Variants in TPP2 observed in about 807,000 individuals in gnomAD.
TPP2 encodes the protein tripeptidyl peptidase 2.
TPP2 carries 34 observed loss-of-function variants against 155.9 expected under a neutral mutation model. The observed-to-expected ratio is 0.22, with a 90% CI of 0.17 to 0.29. The LOEUF (loss-of-function observed/expected upper bound fraction) is 0.29, where lower values mean the gene tolerates loss of function less well. Ranked by LOEUF, TPP2 falls within the 10% of genes least tolerant of loss-of-function variation. TPP2 has a pLI of 1.00. For synonymous variants in TPP2, 510 were observed against 529.4 expected (o/e 0.96, Z 0.50); for missense variants, 1,028 against 1,522.3 (o/e 0.68, Z 5.40).
At chr13:102,640,129 G>T (rs959011015) in intron 15 of TPP2, 141 bp from the exon 16 acceptor site, 10 of 613,398 alleles carry the variant, frequency 1.6e-5, no homozygotes, top group African/African-American at 1.4e-4. Context: ...GAACAATATC[G>T]TACCTACTGT....
chr13:102,620,946 G>A (rs1329505254), intron 5 of TPP2, among the ~76,000 whole-genome samples: 3 of 151,728 alleles, frequency 2.0e-5, no homozygotes, highest in Non-Finnish European at 4.4e-5. Context: ...TGAAAATGTC[G>A]AGAAATACAT....
At chr13:102,631,446 G>A (rs1246784742) in intron 10 of TPP2, 2 of 152,218 alleles carry the variant, frequency 1.3e-5, no homozygotes, top group Non-Finnish European at 2.9e-5. Flanking sequence ...GAGTGGCTTA[G>A]GAGAAGAGCC....
chr13:102,648,532 T>G (rs1246564102), intron 21 of TPP2, among the ~76,000 whole-genome samples: 1 of 152,004 alleles, frequency 6.6e-6, no homozygotes, highest in Non-Finnish European at 1.5e-5. Flanking sequence ...TTCTTATATG[T>G]CTCTGAGGGA....
At chr13:102,670,167 T>TGG (rs1256087448) in intron 27 of TPP2, among the ~76,000 whole-genome samples, 8 of 82,164 alleles carry the variant, frequency 9.7e-5, no homozygotes, top group African/African-American at 3.4e-4. Flanking sequence ...TTAGGTATTG[T>TGG]GGGTGGGGGG....
chr13:102,629,933 T>C (rs1462456592), intron 9 of TPP2, among the ~76,000 whole-genome samples, 163 bp from the exon 10 acceptor site: 1 of 152,220 alleles, frequency 6.6e-6, no homozygotes, highest in African/African-American at 2.4e-5. Flanking sequence ...AAATGTATGG[T>C]ACATAGTAGA....
chr13:102,643,486 A>T, intron 17 of TPP2, 110 bp downstream of exon 17: 1 of 1,126,620 alleles, frequency 8.9e-7, no homozygotes, highest in Non-Finnish European at 1.1e-6. Context: ...GCATGTTGGG[A>T]TTATATATTT....
intron 2 of TPP2, among the ~76,000 whole-genome samples, chr13:102,608,694 A>G (rs545692865): frequency 6.6e-6 from 1 of 151,728 alleles, no homozygotes; most frequent in Non-Finnish European, 1.5e-5. Context: ...ATTTTTTTCT[A>G]TTTCATTGTT....
intron 24 of TPP2, among the ~76,000 whole-genome samples, chr13:102,651,893 A>G (rs2139556157): frequency 1.3e-5 from 2 of 152,310 alleles, no homozygotes; most frequent in Middle Eastern, 6.8e-3. Flanking sequence ...AAGAGAAACA[A>G]TAAAGATCAA....
chr13:102,607,927 T>C (rs1879970505), intron 2 of TPP2: 1 of 178,886 alleles, frequency 5.6e-6, no homozygotes, highest in Non-Finnish European at 1.2e-5. Flanking sequence ...ATCCCGGCTT[T>C]AGATAAACCA....
intron 27 of TPP2, among the ~76,000 whole-genome samples, chr13:102,670,398 G>A (rs375877816): frequency 5.3e-5 from 8 of 152,246 alleles, no homozygotes; most frequent in African/African-American, 1.7e-4. Context: ...CATCATCTGC[G>A]GCCTAAATAG....
At chr13:102,632,742 T>A (rs1882102094) in intron 10 of TPP2, among the ~76,000 whole-genome samples, 1 of 152,142 alleles carries the variant, frequency 6.6e-6, no homozygotes, top group Non-Finnish European at 1.5e-5. Context: ...AGGTAGAAAA[T>A]CACCCTAAAC....
In TPP2 at chr13:102,644,474, T is replaced by G. The variant is rs376299639; in HGVS notation, c.2176-83T>G. ...AAACAGGAAAAGTTTGAAAACAGAATTGCTCTGAAACAGCTAGTATTTATA... is the reference window on the plus strand; with the variant it reads ...AAACAGGAAAAGTTTGAAAACAGAAGTGCTCTGAAACAGCTAGTATTTATA... On this transcript the variant is annotated intron_variant, in intron 17 of 29. Transcript: ENST00000376052. 138 of 1,144,648 alleles carry G rather than the reference T, an allele frequency of 1.2e-4. 1 individual carries two copies. Among genetic ancestry groups the G allele is most frequent in the Non-Finnish European group, 1.7e-4 (136 of 818,726 alleles). The allele number at this position is 1,144,648 out of a possible 1,614,324, so 70.9% of individuals were successfully genotyped here.
chr13:102,631,027 T>C (rs1417152819), intron 10 of TPP2, among the ~76,000 whole-genome samples: 3 of 152,116 alleles, frequency 2.0e-5, no homozygotes, highest in Non-Finnish European at 4.4e-5. Flanking sequence ...GGTATTGAAG[T>C]TGACCTTAAA....
chr13:102,644,150 C>T (rs544478427), intron 17 of TPP2, among the ~76,000 whole-genome samples: 7 of 152,184 alleles, frequency 4.6e-5, no homozygotes, highest in African/African-American at 1.7e-4. Flanking sequence ...TGCCAGGTAG[C>T]TGTGAGCCCA....
At chr13:102,603,357 T>C (rs1879574736) in intron 1 of TPP2, among the ~76,000 whole-genome samples, 1 of 152,156 alleles carries the variant, frequency 6.6e-6, no homozygotes. Flanking sequence ...AATTATGTTC[T>C]GTGAAGGAAA....
At chr13:102,616,176 C>G (rs753156924) in intron 3 of TPP2, among the ~76,000 whole-genome samples, 3 of 152,144 alleles carry the variant, frequency 2.0e-5, no homozygotes, top group African/African-American at 7.2e-5. Context: ...AGGCTGGTCT[C>G]GAACTCCTCA....
At chr13:102,653,735 A>G (rs1447080944) in intron 24 of TPP2, among the ~76,000 whole-genome samples, 1 of 152,232 alleles carries the variant, frequency 6.6e-6, no homozygotes, top group East Asian at 1.9e-4. Flanking sequence ...ATAGCATTCA[A>G]ATATGATATA....
rs778474337 is a variant in TPP2, at chr13:102,657,162, A to T, written c.3098A>T (p.Glu1033Val). The stretch of plus-strand genomic sequence containing the variant: ...GAAAAAGAGAAAGATTTAAAAGAAG[A>T]GTTTACTGAAGCATTACGAGATCTT... The part of the protein sequence containing the change: ...DSEKEKDLKE[E>V]FTEALRDLKI... The change falls in exon 25 of 30, where the codon GAG (glutamate) becomes GTG (valine). Residue 1033 changes from glutamate to valine, a missense_variant. Coordinates refer to ENST00000376052, the MANE Select transcript of TPP2 (RefSeq NM_001330588.2). 1.3e-6 allele frequency: 2 copies of T among 1,594,378 alleles called. No individual in the cohort carries two copies. The highest frequency in any genetic ancestry group is 2.3e-5 in the South Asian group (2 of 86,274).
intron 24 of TPP2, among the ~76,000 whole-genome samples, chr13:102,655,502 A>G (rs184777845): frequency 1.2e-4 from 18 of 152,360 alleles, no homozygotes; most frequent in African/African-American, 4.3e-4. Flanking sequence ...AAGGACACCC[A>G]GTTACTGTGC....
Sources: allele counts gnomAD v4.1 joint callset (sites outside exome capture counted in the v4.1 genomes callset), GRCh38; gene constraint gnomAD v4.1.1; transcripts MANE v1.5; gene names NCBI Gene and HGNC (gene_info 2026-07-23, HGNC 2026-07-21).